Variants in SNRPA observed in about 807,000 individuals in gnomAD.
SNRPA encodes small nuclear ribonucleoprotein polypeptide A.
In SNRPA, 10 loss-of-function variants were observed where a neutral mutation model predicts 24.5. The observed-to-expected ratio is 0.41, with a 90% CI of 0.25 to 0.69. The LOEUF is 0.69. SNRPA is among the 30% of genes least tolerant of loss of function. SNRPA has a pLI of 0.33. For synonymous variants in SNRPA, 165 were observed against 148.4 expected, an observed-to-expected ratio of 1.11 and a Z score of -0.81; for missense variants, 283 against 394.7, an observed-to-expected ratio of 0.72 and a Z score of 2.40.
intron 1 of SNRPA, 129 bp downstream of exon 1, chr19:40,751,610 A>G (rs2082865091): frequency 1.4e-6 from 1 of 736,394 alleles, no homozygotes; most frequent in Non-Finnish European, 2.5e-6. Context: ...TGGCCTTTAC[A>G]CAAACTACTT....
In SNRPA at chr19:40,761,458, C is replaced by CTTTTTTTT. The variant is rs200242370; in HGVS notation, c.427-1424_427-1417dup. Among the ~76,000 whole-genome samples the CTTTTTTTT allele has an allele frequency of 8.1e-3, 696 of 85,870 alleles. 24 individuals carry two copies. Among genetic ancestry groups the CTTTTTTTT allele is most frequent in the Non-Finnish European group, 0.011 (487 of 46,040 alleles). 56.3% of individuals were successfully genotyped at this position (85,870 alleles called of 152,430 possible). ...TCTCTTTTCTTTTCTTTTTCTTTTT[C>CTTTTTTTT]TTTTTTTTTTTTTTTTTTTTTTTTT... On this transcript the variant is annotated intron_variant, in intron 3 of 5. Transcript: ENST00000243563.
chr19:40,763,451 C>T, intron 4 of SNRPA, 136 bp from the exon 5 acceptor site: 1 of 748,090 alleles, frequency 1.3e-6, no homozygotes, highest in Non-Finnish European at 2.4e-6. Flanking sequence ...AGGCAACAGA[C>T]AACAATATGT....
chr19:40,760,799 C>T (rs980213149), intron 3 of SNRPA, among the ~76,000 whole-genome samples: 16 of 152,058 alleles, frequency 1.1e-4, no homozygotes, highest in Admixed American at 5.2e-4. Flanking sequence ...GAAAACTGGG[C>T]GTGGTGACTC....
chr19:40,752,478 C>G (rs1690075188), intron 1 of SNRPA, among the ~76,000 whole-genome samples: 1 of 148,002 alleles, frequency 6.8e-6, no homozygotes, highest in South Asian at 2.1e-4. Flanking sequence ...CGTGGTGGTT[C>G]AGGCCTGTAA....
At chr19:40,757,643 T>C in intron 2 of SNRPA, 139 bp downstream of exon 2, 1 of 793,224 alleles carries the variant, frequency 1.3e-6, no homozygotes, top group East Asian at 2.8e-5. Context: ...CCTTGCCTCA[T>C]TTAAAAATCT....
rs10412175 is a variant in SNRPA, at chr19:40,764,961, C to T, written c.690-47C>T. On this transcript the variant is annotated intron_variant, in intron 5 of 5. Transcript: ENST00000243563. ...GGCCTCTGTCCACTTGATGCCGTTA[C>T]GTTAGGGGGAAATGCTGAGTCCCTG... is the stretch of plus-strand genomic sequence containing the variant. The T allele has an allele frequency of 0.022, 32,868 of 1,482,904 alleles. 1,944 individuals are homozygous for T. In the African/African-American group the frequency reaches 0.22, roughly 10 times the overall value. The allele number at this position is 1,482,904 out of a possible 1,614,324, so 91.9% of individuals were successfully genotyped here. A position where few individuals can be genotyped will look rare whatever the true frequency, so the allele number is the denominator to read the frequency against.
chr19:40,759,400 C>T (rs757933903), intron 2 of SNRPA, 31 bp from the exon 3 acceptor site: 4 of 1,589,482 alleles, frequency 2.5e-6, no homozygotes, highest in Admixed American at 3.6e-5. Context: ...TGAATCCACG[C>T]TCTTAACCCG....
At chr19:40,753,394 T>TTGTTTTTTTG (rs1568483774) in intron 1 of SNRPA, among the ~76,000 whole-genome samples, 1 of 101,858 alleles carries the variant, frequency 9.8e-6, no homozygotes, top group Non-Finnish European at 2.0e-5. Flanking sequence ...GTTTTTTTTT[T>TTGTTTTTTTG]TTTTTTTTTT....
rs114721117 is a variant in SNRPA, at chr19:40,757,097, A to T, written c.74-235A>T. 3 of 525,006 alleles carry T rather than the reference A, an allele frequency of 5.7e-6. No homozygotes were observed. In the East Asian group the frequency reaches 1.0e-4, roughly 18 times the overall value. The allele number at this position is 525,006 out of a possible 1,614,324, so 32.5% of individuals were successfully genotyped here. A position where few individuals can be genotyped will look rare whatever the true frequency, so the allele number is the denominator to read the frequency against. On this transcript the variant is annotated intron_variant, in intron 1 of 5. Coordinates refer to ENST00000243563, the MANE Select transcript of SNRPA (RefSeq NM_004596.5). ...CCGGATGCTGTCCTGAGCACTTTGC[A>T]TGTATGTGCACATGTTCATTATATA...
intron 2 of SNRPA, among the ~76,000 whole-genome samples, chr19:40,758,217 T>C (rs1189107183): frequency 4.6e-5 from 7 of 152,088 alleles, no homozygotes; most frequent in Non-Finnish European, 1.0e-4. Flanking sequence ...TCTGCCTGCC[T>C]CAGCCTCCCA....
chr19:40,753,226 G>A (rs1263887299), intron 1 of SNRPA, among the ~76,000 whole-genome samples: 2 of 151,270 alleles, frequency 1.3e-5, no homozygotes, highest in Non-Finnish European at 2.9e-5. Context: ...GTGGCGGTGC[G>A]CACCTACAGT....
chr19:40,752,112 C>T (rs962254463), intron 1 of SNRPA, among the ~76,000 whole-genome samples: 2 of 150,672 alleles, frequency 1.3e-5, no homozygotes, highest in Non-Finnish European at 3.0e-5. Context: ...CCGAGGCGGG[C>T]GGATCACCTG....
chr19:40,758,637 TATC>T (rs2082918373), intron 2 of SNRPA: 1 of 152,200 alleles, frequency 6.6e-6, no homozygotes, highest in South Asian at 2.1e-4. Flanking sequence ...AAGTGGGAAG[TATC>T]ATAATCCCCA....
At chr19:40,757,002 C>A in intron 1 of SNRPA, 1 of 290,008 alleles carries the variant, frequency 3.4e-6, no homozygotes, top group South Asian at 3.1e-5. Flanking sequence ...AGGGCCACGT[C>A]ATGCAGGCCC....
At chr19:40,754,812 C>A (rs536380941) in intron 1 of SNRPA, among the ~76,000 whole-genome samples, 43 of 152,130 alleles carry the variant, frequency 2.8e-4, no homozygotes, top group African/African-American at 9.4e-4. Flanking sequence ...GGTGGAATAT[C>A]CTCCCAGCTG....
chr19:40,759,593 G>C lies in SNRPA; in HGVS notation c.409G>C (p.Val137Leu). The C allele has an allele frequency of 6.2e-7, 1 of 1,609,226 alleles. No homozygotes were observed. The highest frequency in any genetic ancestry group is 2.2e-5 in the East Asian group (1 of 44,744). Residue 137 changes from valine (V) to leucine (L), a missense_variant, in exon 3 of 6, where the codon GTC (valine) becomes CTC (leucine). Around this residue, in one of 6 missense-constraint regions of SNRPA, gnomAD observed 167 missense variants for 174.3 expected, o/e 0.96. Transcript: ENST00000243563. ...GGGATPVVGA[V>L]QGPVPGMPPM... is the part of the protein sequence containing the mutation. ...GGGAGCCACCCCCGTGGTGGGGGCTGTCCAGGGGCCTGTCCCGGTAAGCCA... is the reference window on the plus strand; with the variant it reads ...GGGAGCCACCCCCGTGGTGGGGGCTCTCCAGGGGCCTGTCCCGGTAAGCCA...
rs774066197 is a variant in SNRPA at position 40,757,394 on chromosome 19, T to A, written c.136T>A (p.Ser46Thr). The change falls in exon 2 of 6, where the codon TCA becomes ACA. Residue 46 changes from serine to threonine, a missense_variant. Transcript: ENST00000243563. ...TGGCCAGATCCTGGATATCCTGGTA[T>A]CACGGAGCCTGAAGATGAGGGGCCA... ...QFGQILDILVSRSLKMRGQAF... is the reference protein window; with the variant it reads ...QFGQILDILVTRSLKMRGQAF... 1.2e-6 allele frequency: 2 copies of A among 1,614,110 alleles called. No homozygotes were observed. Among genetic ancestry groups the A allele is most frequent in the East Asian group, 4.5e-5 (2 of 44,870 alleles).
intron 1 of SNRPA, among the ~76,000 whole-genome samples, chr19:40,754,928 G>T (rs1380202761): frequency 6.6e-6 from 1 of 152,116 alleles, no homozygotes; most frequent in African/African-American, 2.4e-5. Flanking sequence ...ATGGAGTACG[G>T]AGAGGAAAAC....
intron 1 of SNRPA, chr19:40,757,048 C>A: frequency 2.7e-6 from 1 of 370,098 alleles, no homozygotes. Flanking sequence ...AAGAATCACT[C>A]ATTTATCGAG....
Sources: gnomAD v4.1 joint callset for allele counts (sites outside exome capture counted in the v4.1 genomes callset) on GRCh38, gnomAD v4.1.1 for gene constraint, gnomAD v4.1.1 regional missense constraint, MANE v1.5 for transcripts, NCBI Gene and HGNC (gene_info 2026-07-23, HGNC 2026-07-21) for gene names.